Variants in PTK2B observed in about 807,000 individuals in gnomAD.
The protein encoded by PTK2B is protein tyrosine kinase 2 beta, also known as protein-tyrosine kinase 2-beta.
PTK2B carries 71 observed loss-of-function variants against 142.9 expected under a neutral mutation model. The observed-to-expected ratio is 0.50, with a 90% CI of 0.41 to 0.61. The LOEUF (loss-of-function observed/expected upper bound fraction) is 0.61, where lower values mean the gene tolerates loss of function less well. Among genes scored for constraint, PTK2B ranks in the 20% least tolerant of loss-of-function variants. The probability of loss-of-function intolerance (pLI) is 0.00; values close to 1 mark genes in which losing one functional copy is unlikely to be tolerated. For missense variants in PTK2B, 1,105 were observed against 1,320.4 expected (o/e 0.84, Z 2.53); for synonymous variants, 519 against 503.4 (o/e 1.03, Z -0.42).
Position 27,440,232 on chromosome 8 carries a change from C to G in PTK2B, c.1835-5C>G. On this transcript the variant is annotated splice_region_variant and splice_polypyrimidine_tract_variant and intron_variant, in intron 20 of 30. Transcript: ENST00000346049. ...CCCAGGGCCTGACGCTCCCTTACAC[C>G]CCAGCCGTGTGCATGTGGGAGATCC... 2 of 1,614,080 alleles carry G rather than the reference C, an allele frequency of 1.2e-6. No individual in the cohort carries two copies. Among genetic ancestry groups the G allele is most frequent in the Non-Finnish European group, 1.7e-6 (2 of 1,179,994 alleles).
rs995687576 is a variant in PTK2B at position 27,451,510 on chromosome 8, G to T, written c.2548+1G>T. 2 of 1,614,034 alleles carry T rather than the reference G, an allele frequency of 1.2e-6. No homozygotes were observed. Among genetic ancestry groups the T allele is most frequent in the Non-Finnish European group, 1.7e-6 (2 of 1,180,032 alleles). ...ACGCCAGAGAAGGAGGTCGGCTACC[G>T]TGAGTGTTCCCGCCCTTCTTCGGGG... On this transcript the variant is annotated splice_donor_variant, in intron 27 of 30. Transcript: ENST00000346049. LOFTEE classifies it high-confidence loss of function.
At chr8:27,410,827 G>T (rs1163445112) in intron 2 of PTK2B, among the ~76,000 whole-genome samples, 1 of 152,188 alleles carries the variant, frequency 6.6e-6, no homozygotes, top group African/African-American at 2.4e-5. Context: ...CAGAGAATAG[G>T]GAGAGAGGCA....
At chr8:27,445,443 T>C (rs955449657) in intron 23 of PTK2B, among the ~76,000 whole-genome samples, 1 of 152,114 alleles carries the variant, frequency 6.6e-6, no homozygotes, top group African/African-American at 2.4e-5. Flanking sequence ...TACATATCTG[T>C]ATAAATTGGT....
Position 27,444,267 on chromosome 8 carries a change from T to A in PTK2B, c.2210T>A (p.Phe737Tyr). The change falls in exon 23 of 31, where the codon TTC becomes TAC. Residue 737 changes from phenylalanine to tyrosine, a missense_variant. By Grantham distance (22) the Phe-to-Tyr change is conservative (BLOSUM62 3). Coordinates refer to ENST00000346049, the MANE Select transcript of PTK2B (RefSeq NM_173176.3). Reference sequence around the variant, plus strand: ...AACCTCCTGGCTCCAAAGCTGCAGTTCCAGGTAAAGATAGAACCAGAGGAC... The same window carrying A: ...AACCTCCTGGCTCCAAAGCTGCAGTACCAGGTAAAGATAGAACCAGAGGAC... ...QTNLLAPKLQFQVPEGLCASS... is the reference protein window; with the variant it reads ...QTNLLAPKLQYQVPEGLCASS... 4 of 1,613,176 alleles carry A rather than the reference T, an allele frequency of 2.5e-6. No homozygotes were observed. Among genetic ancestry groups the A allele is most frequent in the Non-Finnish European group, 3.4e-6 (4 of 1,179,202 alleles).
At chr8:27,324,587 C>T (rs762580970), upstream of PTK2B, among the ~76,000 whole-genome samples, 42 of 152,224 alleles carry the variant, frequency 2.8e-4, no homozygotes, top group Non-Finnish European at 5.1e-4. Context: ...AGTGCTTCCT[C>T]AGCACAACTC....
chr8:27,356,690 G>A (rs2130667344), intron 1 of PTK2B, among the ~76,000 whole-genome samples: 1 of 152,372 alleles, frequency 6.6e-6, no homozygotes, highest in South Asian at 2.1e-4. Flanking sequence ...TTTAATGGGA[G>A]ACTAGTATAT....
chr8:27,335,273 C>G (rs1438782412), intron 1 of PTK2B, among the ~76,000 whole-genome samples: 1 of 152,174 alleles, frequency 6.6e-6, no homozygotes, highest in Non-Finnish European at 1.5e-5. Context: ...AGCCCTCTCC[C>G]TGTCTTTACT....
chr8:27,439,447 C>T, intron 20 of PTK2B, 49 bp downstream of exon 20: 1 of 1,554,886 alleles, frequency 6.4e-7, no homozygotes. Flanking sequence ...ATTCTCACTT[C>T]TGAACCAGGC....
intron 2 of PTK2B, among the ~76,000 whole-genome samples, chr8:27,418,225 G>C (rs559439773): frequency 1.7e-4 from 26 of 152,288 alleles, no homozygotes; most frequent in African/African-American, 5.8e-4. Context: ...TCAGGCTGAG[G>C]GTCTTCTAGT....
intron 1 of PTK2B, among the ~76,000 whole-genome samples, chr8:27,359,988 C>T (rs1206788810): frequency 6.6e-6 from 1 of 152,212 alleles, no homozygotes. Context: ...AGTGCCCACA[C>T]ACTGCTTTAG....
intron 20 of PTK2B, among the ~76,000 whole-genome samples, 158 bp downstream of exon 20, chr8:27,439,556 C>A (rs1811024780): frequency 6.6e-6 from 1 of 151,972 alleles, no homozygotes; most frequent in African/African-American, 2.4e-5. Context: ...GGTGGGGAGG[C>A]CAGTAGGGGT....
chr8:27,360,909 A>G (rs1805662377), intron 1 of PTK2B, among the ~76,000 whole-genome samples: 1 of 152,194 alleles, frequency 6.6e-6, no homozygotes, highest in African/African-American at 2.4e-5. Flanking sequence ...CGGTCTTTCG[A>G]AATGGTCAGT....
In PTK2B at chr8:27,440,483, C is replaced by T. The variant is rs1338929314; in HGVS notation, c.2039+42C>T. Reference sequence around the variant, plus strand: ...GGCTGTGGGCTGGGGGCCCACCCGGCTGCACCAGGGAGCAAGACCAGCACA... The same window carrying T: ...GGCTGTGGGCTGGGGGCCCACCCGGTTGCACCAGGGAGCAAGACCAGCACA... On this transcript the variant is annotated intron_variant, in intron 21 of 30. Transcript: ENST00000346049. 6 of 1,595,250 alleles carry T rather than the reference C, an allele frequency of 3.8e-6. No individual in the cohort carries two copies. In the Admixed American group the frequency reaches 1.0e-4, roughly 27 times the overall value.
intron 1 of PTK2B, among the ~76,000 whole-genome samples, chr8:27,377,644 G>A (rs1806753279): frequency 6.6e-6 from 1 of 152,188 alleles, no homozygotes; most frequent in Non-Finnish European, 1.5e-5. Flanking sequence ...CCGGAGGCAG[G>A]AGAGAAGACA....
intron 1 of PTK2B, among the ~76,000 whole-genome samples, chr8:27,381,631 G>T (rs1807028458): frequency 6.6e-6 from 1 of 152,134 alleles, no homozygotes. Flanking sequence ...ATATCTCTTT[G>T]ACATAATGAT....
intron 3 of PTK2B, among the ~76,000 whole-genome samples, chr8:27,319,411 G>A (rs9657292): frequency 0.4 from 60,409 of 150,680 alleles, 14,461 homozygotes; most frequent in Non-Finnish European, 0.53. Flanking sequence ...GGGAGGCCAA[G>A]GCGGGAGGAT....
At chr8:27,357,053 A>G (rs1159686803) in intron 1 of PTK2B, among the ~76,000 whole-genome samples, 2 of 152,224 alleles carry the variant, frequency 1.3e-5, no homozygotes, top group Non-Finnish European at 1.5e-5. Context: ...ACACACCCAC[A>G]CATACGAATG....
chr8:27,428,125 C>T (rs1376754419), intron 5 of PTK2B, among the ~76,000 whole-genome samples: 1 of 152,134 alleles, frequency 6.6e-6, no homozygotes, highest in Non-Finnish European at 1.5e-5. Flanking sequence ...ATTAGATTCT[C>T]ATAAGGAGCG....
At chr8:27,430,512 A>G in intron 7 of PTK2B, 94 bp downstream of exon 7, 1 of 1,530,034 alleles carries the variant, frequency 6.5e-7, no homozygotes, top group Non-Finnish European at 9.0e-7. Flanking sequence ...CAGAGAAGCC[A>G]GGGTATCTGC....
Sources: gnomAD v4.1 joint callset for allele counts (sites outside exome capture counted in the v4.1 genomes callset) on GRCh38, gnomAD v4.1.1 for gene constraint, MANE v1.5 for transcripts, NCBI Gene and HGNC (gene_info 2026-07-23, HGNC 2026-07-21) for gene names.